Variants in LAP3 observed in about 807,000 individuals in gnomAD.
LAP3 encodes leucine aminopeptidase 3.
LAP3 carries 46 observed loss-of-function variants against 58.8 expected under a neutral mutation model. The observed-to-expected ratio is 0.78, with a 90% CI of 0.62 to 1.00. The LOEUF (loss-of-function observed/expected upper bound fraction) is 1.00. Ranked by LOEUF, LAP3 falls within the 50% of genes least tolerant of loss-of-function variation. LAP3 has a pLI of 0.00. For missense variants in LAP3, 615 were observed against 659.1 expected (o/e 0.93, Z 0.73); for synonymous variants, 257 against 237.7 (o/e 1.08, Z -0.75).
At chr4:17,605,752 C>T (rs565296057) in intron 11 of LAP3, among the ~76,000 whole-genome samples, 1 of 152,212 alleles carries the variant, frequency 6.6e-6, no homozygotes, top group South Asian at 2.1e-4. Context: ...TAACCGTTAT[C>T]CCTCTCTTTC....
chr4:17,582,677 C>T (rs1458623841), intron 4 of LAP3: 1 of 266,682 alleles, frequency 3.7e-6, no homozygotes. Context: ...TTCCCAGAAC[C>T]TGTAGTGTAT....
chr4:17,607,572 A>G lies in LAP3; in HGVS notation c.1543A>G (p.Ser515Gly), dbSNP rs772382621. The change falls in exon 13 of 13, where the codon AGT becomes GGT. Residue 515 changes from serine (S) to glycine (G), a missense_variant. Coordinates refer to ENST00000226299, the MANE Select transcript of LAP3 (RefSeq NM_015907.3). Reference protein sequence around the residue: ...RTLIEFLLRFSQDNA With the variant: ...RTLIEFLLRFGQDNA Reference sequence around the variant, plus strand: ...TCTCATTGAGTTCTTACTTCGTTTCAGTCAAGACAATGCTTAGTTCAGATA... The same window carrying G: ...TCTCATTGAGTTCTTACTTCGTTTCGGTCAAGACAATGCTTAGTTCAGATA... 3 of 1,612,890 alleles carry G rather than the reference A, an allele frequency of 1.9e-6. No homozygotes were observed. The highest frequency in any genetic ancestry group is 2.5e-6 in the Non-Finnish European group (3 of 1,179,706).
intron 1 of LAP3, 119 bp downstream of exon 1, chr4:17,577,686 G>C: frequency 1.3e-6 from 1 of 751,210 alleles, no homozygotes; most frequent in Non-Finnish European, 2.1e-6. Context: ...GCAAAAATCA[G>C]TTTAAAAGAA....
At position 17,598,958 on chromosome 4, in the gene LAP3, G is replaced by A. The variant is rs560725988; in HGVS notation, c.1180+400G>A. ...TTGCCATGTTAGCCAGGCTGGTTTC[G>A]AACTCCTGAACTCAGGTGATCCACC... On this transcript the variant is annotated intron_variant, in intron 10 of 12. Transcript: ENST00000226299. Among the ~76,000 whole-genome samples, 12 of 152,070 alleles carry A rather than the reference G, an allele frequency of 7.9e-5. No homozygotes were observed. In the South Asian group the frequency reaches 1.9e-3, roughly 24 times the overall value.
Position 17,577,205 on chromosome 4 carries a change from A to AATGCGGGCGCACACGC in LAP3, c.-246_-245insCATGCGGGCGCACACG. The AATGCGGGCGCACACGC allele has an allele frequency of 1.0e-5, 3 of 298,360 alleles. No homozygotes were observed. The highest frequency in any genetic ancestry group is 6.0e-5 in the East Asian group (1 of 16,804). The allele number at this position is 298,360 out of a possible 1,614,324, so 18.5% of individuals were successfully genotyped here. A position where few individuals can be genotyped will look rare whatever the true frequency, so the allele number is the denominator to read the frequency against. On this transcript the variant is annotated 5_prime_UTR_variant, in exon 1 of 13. It adds an upstream start codon to the 5' untranslated region. Coordinates refer to ENST00000226299, the MANE Select transcript of LAP3 (RefSeq NM_015907.3). ...CCGCCCGCATGCGCGGGCGCACACG[A>AATGCGGGCGCACACGC]ATGCGGGCGCACACGAATGCGGGCG...
At chr4:17,596,582 G>C (rs972705096) in intron 8 of LAP3, among the ~76,000 whole-genome samples, 2 of 152,044 alleles carry the variant, frequency 1.3e-5, no homozygotes, top group African/African-American at 4.8e-5. Flanking sequence ...CAGGTGATCT[G>C]CCCGCCTTGG....
intron 8 of LAP3, 22 bp downstream of exon 8, chr4:17,595,556 ATC>A: frequency 1.9e-6 from 3 of 1,611,544 alleles, no homozygotes; most frequent in Non-Finnish European, 2.5e-6. Context: ...AACGGATTAC[ATC>A]TCATAACGCT....
chr4:17,594,607 TG>T (rs1713783425), intron 7 of LAP3, among the ~76,000 whole-genome samples: 1 of 152,176 alleles, frequency 6.6e-6, no homozygotes, highest in Non-Finnish European at 1.5e-5. Flanking sequence ...TAGAAGCCTC[TG>T]GGGGTCAGGT....
At chr4:17,584,616 G>A (rs1215651025) in intron 5 of LAP3, among the ~76,000 whole-genome samples, 2 of 152,238 alleles carry the variant, frequency 1.3e-5, no homozygotes, top group Non-Finnish European at 2.9e-5. Flanking sequence ...CAGTGAAGGA[G>A]AACAAAACGG....
chr4:17,598,203 T>C (rs1426811001), intron 9 of LAP3, among the ~76,000 whole-genome samples: 1 of 152,172 alleles, frequency 6.6e-6, no homozygotes, highest in Non-Finnish European at 1.5e-5. Context: ...TTCACCATCT[T>C]GCCTAGGCTG....
At position 17,594,650 on chromosome 4, in the gene LAP3, C is replaced by G. The variant is rs548072288; in HGVS notation, c.864-760C>G. On this transcript the variant is annotated intron_variant, in intron 7 of 12. Transcript: ENST00000226299. ...GTTTCTTGCTAATTGCAGCCTTATT[C>G]AGTTCTCATGTTGAAGTACTGTCTC... Among the ~76,000 whole-genome samples the G allele has an allele frequency of 1.4e-3, 208 of 152,300 alleles. 2 individuals are homozygous for G. Among genetic ancestry groups the G allele is most frequent in the African/African-American group, 4.9e-3 (205 of 41,572 alleles).
intron 7 of LAP3, among the ~76,000 whole-genome samples, chr4:17,592,301 G>A (rs1277594210): frequency 1.3e-5 from 2 of 151,540 alleles, no homozygotes; most frequent in African/African-American, 4.9e-5. Flanking sequence ...GATTAGTTTT[G>A]CCTATTCCGG....
intron 1 of LAP3, 53 bp downstream of exon 1, chr4:17,577,620 T>C: frequency 7.3e-7 from 1 of 1,374,842 alleles, no homozygotes; most frequent in Non-Finnish European, 1.0e-6. Flanking sequence ...GCCCGTGGGC[T>C]ACTGGGGCTG....
At chr4:17,594,890 T>G (rs1370987880) in intron 7 of LAP3, among the ~76,000 whole-genome samples, 3 of 152,146 alleles carry the variant, frequency 2.0e-5, no homozygotes, top group Non-Finnish European at 2.9e-5. Flanking sequence ...CTGAATAGAC[T>G]ATGTGGGTGT....
intron 7 of LAP3, among the ~76,000 whole-genome samples, chr4:17,591,520 T>G (rs1052346239): frequency 2.0e-5 from 3 of 152,188 alleles, no homozygotes; most frequent in African/African-American, 7.2e-5. Flanking sequence ...AAGTCCACAT[T>G]TGTAATTTTT....
At chr4:17,584,069 C>G (rs939929656) in intron 5 of LAP3, among the ~76,000 whole-genome samples, 1 of 152,348 alleles carries the variant, frequency 6.6e-6, no homozygotes, top group East Asian at 1.9e-4. Flanking sequence ...CTAGTGGGGT[C>G]CCTGCCATCA....
chr4:17,581,714 C>T, intron 2 of LAP3, 46 bp from the exon 3 acceptor site: 1 of 1,518,256 alleles, frequency 6.6e-7, no homozygotes, highest in Non-Finnish European at 9.1e-7. Flanking sequence ...CCCAAGTGAA[C>T]CGAGCAAAAT....
chr4:17,601,357 C>G (rs1053362278), intron 10 of LAP3, among the ~76,000 whole-genome samples: 1 of 151,992 alleles, frequency 6.6e-6, no homozygotes, highest in Non-Finnish European at 1.5e-5. Flanking sequence ...AGCCGTGGTC[C>G]CAACTGGACC....
chr4:17,589,675 G>T (rs1013930100), intron 7 of LAP3, among the ~76,000 whole-genome samples: 1 of 151,294 alleles, frequency 6.6e-6, no homozygotes, highest in Non-Finnish European at 1.5e-5. Flanking sequence ...GCCCAAACTG[G>T]TCTTAAACTG....
Sources: allele counts gnomAD v4.1 joint callset (sites outside exome capture counted in the v4.1 genomes callset), GRCh38; gene constraint gnomAD v4.1.1; transcripts MANE v1.5; gene names NCBI Gene and HGNC (gene_info 2026-07-23, HGNC 2026-07-21).